Variants in TSPAN5 observed in about 807,000 individuals in gnomAD.
The protein encoded by TSPAN5 is tetraspanin 5.
TSPAN5 carries 10 observed loss-of-function variants against 37.1 expected under a neutral mutation model. That is an observed-to-expected ratio of 0.27 (90% CI 0.17 to 0.46). TSPAN5 has a LOEUF of 0.46. Among genes scored for constraint, TSPAN5 ranks in the 20% least tolerant of loss-of-function variants. TSPAN5 has a pLI of 1.00. For synonymous variants in TSPAN5, 110 were observed against 118.9 expected (o/e 0.93, Z 0.48); for missense variants, 195 against 326.6 (o/e 0.60, Z 3.11).
chr4:98,623,631 G>A (rs1465941157), intron 1 of TSPAN5, among the ~76,000 whole-genome samples: 1 of 152,140 alleles, frequency 6.6e-6, no homozygotes, highest in Non-Finnish European at 1.5e-5. Context: ...GTAATCATGA[G>A]AACAAAGGAC....
intron 2 of TSPAN5, among the ~76,000 whole-genome samples, chr4:98,506,539 T>G (rs1169629197): frequency 6.6e-6 from 1 of 152,256 alleles, no homozygotes; most frequent in Non-Finnish European, 1.5e-5. Flanking sequence ...TTATATGGTC[T>G]GTCTGAACAT....
At position 98,478,784 on chromosome 4, in the gene TSPAN5, A is replaced by C. The variant is rs778976980; in HGVS notation, c.477T>G (p.Ala159=). The C allele has an allele frequency of 1.2e-6, 2 of 1,614,038 alleles. No homozygotes were observed. The highest frequency in any genetic ancestry group is 1.7e-6 in the Non-Finnish European group (2 of 1,180,028). Residue 159 remains alanine (A), a synonymous_variant, in exon 5 of 8, where the codon GCT becomes GCG. Coordinates refer to ENST00000305798, the MANE Select transcript of TSPAN5 (RefSeq NM_005723.4). ...EYWQCCGAFG[A]DDWNLNIYFN... ...AGTAAATATTTAGGTTCCAATCATCAGCTCCAAAAGCCCCACAGCACTGCC... is the reference window on the plus strand; with the variant it reads ...AGTAAATATTTAGGTTCCAATCATCCGCTCCAAAAGCCCCACAGCACTGCC...
intron 1 of TSPAN5, among the ~76,000 whole-genome samples, chr4:98,608,201 G>T (rs866207111): frequency 6.6e-6 from 1 of 152,126 alleles, no homozygotes; most frequent in Admixed American, 6.5e-5. Context: ...AGACATTCCC[G>T]TTCCCTATCA....
intron 1 of TSPAN5, among the ~76,000 whole-genome samples, chr4:98,620,335 G>C (rs968442062): frequency 2.0e-5 from 3 of 152,158 alleles, no homozygotes; most frequent in African/African-American, 7.2e-5. Flanking sequence ...TCCCCGCTGA[G>C]GCTGGTCTTG....
At chr4:98,651,678 A>T (rs1273137111) in intron 1 of TSPAN5, among the ~76,000 whole-genome samples, 2 of 152,190 alleles carry the variant, frequency 1.3e-5, no homozygotes, top group East Asian at 3.8e-4. Context: ...GGAGGATGGA[A>T]ATGATGGGGA....
chr4:98,567,880 AAAGGGATT>A (rs1172423980), intron 1 of TSPAN5, among the ~76,000 whole-genome samples: 1 of 152,174 alleles, frequency 6.6e-6, no homozygotes, highest in Non-Finnish European at 1.5e-5. Context: ...AGAGCAGACT[AAAGGGATT>A]AAACAGACTC....
rs142895942 is a variant in TSPAN5, at chr4:98,587,773, C to T, written c.81+70373G>A. Among the ~76,000 whole-genome samples the T allele has an allele frequency of 5.9e-3, 891 of 152,170 alleles. 10 individuals carry two copies. Among genetic ancestry groups the T allele is most frequent in the African/African-American group, 0.021 (863 of 41,518 alleles). On this transcript the variant is annotated intron_variant, in intron 1 of 7. Coordinates refer to ENST00000305798, the MANE Select transcript of TSPAN5 (RefSeq NM_005723.4). ...GCATGGTGGTGCGTGCCTGTAGTCC[C>T]AGCTTCTCAGGAGGCTGGGGCAGGG...
At chr4:98,654,474 C>T (rs900481211) in intron 1 of TSPAN5, among the ~76,000 whole-genome samples, 13 of 152,182 alleles carry the variant, frequency 8.5e-5, no homozygotes, top group Non-Finnish European at 1.8e-4. Context: ...TCTTCTCCCT[C>T]CCCCAAACCC....
intron 1 of TSPAN5, among the ~76,000 whole-genome samples, chr4:98,536,426 G>T (rs1754234772): frequency 6.6e-6 from 1 of 152,190 alleles, no homozygotes; most frequent in South Asian, 2.1e-4. Context: ...TCTCCTGTAT[G>T]AGGTGTCCGT....
intron 1 of TSPAN5, among the ~76,000 whole-genome samples, chr4:98,566,545 T>C (rs1008090023): frequency 6.6e-6 from 1 of 151,898 alleles, no homozygotes; most frequent in Non-Finnish European, 1.5e-5. Context: ...GGAGCAGCCA[T>C]GGGAAAAAAA....
intron 1 of TSPAN5, among the ~76,000 whole-genome samples, chr4:98,521,751 T>G (rs1053676428): frequency 2.6e-5 from 4 of 152,236 alleles, no homozygotes; most frequent in Non-Finnish European, 4.4e-5. Context: ...GCTGAGATAT[T>G]AATAGCTATT....
chr4:98,557,124 G>A (rs1041264898), intron 1 of TSPAN5, among the ~76,000 whole-genome samples: 10 of 151,648 alleles, frequency 6.6e-5, no homozygotes, highest in African/African-American at 2.4e-4. Context: ...GACACCAAAG[G>A]ATGTCTTTGA....
At chr4:98,522,470 G>A (rs867896689) in intron 1 of TSPAN5, among the ~76,000 whole-genome samples, 83 of 152,284 alleles carry the variant, frequency 5.5e-4, no homozygotes, top group African/African-American at 1.8e-3. Context: ...ATGATGACAG[G>A]TGCCTTCACT....
At chr4:98,477,802 G>C (rs918576488) in intron 5 of TSPAN5, among the ~76,000 whole-genome samples, 4 of 151,930 alleles carry the variant, frequency 2.6e-5, no homozygotes, top group Middle Eastern at 3.4e-3. Context: ...GGGACCACGG[G>C]TGTGTGCCAC....
At chr4:98,504,119 C>G (rs1753419573) in intron 2 of TSPAN5, among the ~76,000 whole-genome samples, 1 of 152,190 alleles carries the variant, frequency 6.6e-6, no homozygotes, top group Non-Finnish European at 1.5e-5. Flanking sequence ...TGCTTCTGTA[C>G]TTCACATGAA....
chr4:98,613,959 C>T (rs752679827), intron 1 of TSPAN5, among the ~76,000 whole-genome samples: 16 of 152,032 alleles, frequency 1.1e-4, no homozygotes, highest in African/African-American at 9.7e-5. Flanking sequence ...TTTATCTAGC[C>T]GGCTAAATGG....
At chr4:98,546,980 G>C (rs1293520003) in intron 1 of TSPAN5, among the ~76,000 whole-genome samples, 1 of 152,220 alleles carries the variant, frequency 6.6e-6, no homozygotes, top group Non-Finnish European at 1.5e-5. Context: ...GACAGCACCA[G>C]AGCCCAAGCT....
At chr4:98,502,534 G>A (rs1753377250) in intron 2 of TSPAN5, among the ~76,000 whole-genome samples, 1 of 152,156 alleles carries the variant, frequency 6.6e-6, no homozygotes, top group Admixed American at 6.5e-5. Flanking sequence ...TCCTTGCTTT[G>A]CTGATAAAGG....
chr4:98,537,513 C>T (rs931053304), intron 1 of TSPAN5, among the ~76,000 whole-genome samples: 1 of 152,174 alleles, frequency 6.6e-6, no homozygotes, highest in African/African-American at 2.4e-5. Flanking sequence ...CAGAAACAGC[C>T]CTAGTACCTT....
Sources: allele counts gnomAD v4.1 joint callset (sites outside exome capture counted in the v4.1 genomes callset), GRCh38; gene constraint gnomAD v4.1.1; transcripts MANE v1.5; gene names NCBI Gene and HGNC (gene_info 2026-07-23, HGNC 2026-07-21).